Variants in BMS1 observed in about 807,000 individuals in gnomAD.
The protein encoded by BMS1 is BMS1 ribosome biogenesis factor.
Under a neutral mutation model 138.7 loss-of-function variants are expected in BMS1, and 53 were observed. The ratio of observed to expected loss-of-function variants is 0.38; its 90% CI spans 0.31 to 0.48. The LOEUF (loss-of-function observed/expected upper bound fraction) is 0.48. BMS1 is among the 20% of genes least tolerant of loss of function. BMS1 has a pLI of 0.97. For missense variants in BMS1, 1,360 were observed against 1,565.5 expected, an observed-to-expected ratio of 0.87 and a Z score of 2.22; for synonymous variants, 504 against 539.9, an observed-to-expected ratio of 0.93 and a Z score of 0.92.
intron 12 of BMS1, among the ~76,000 whole-genome samples, chr10:42,801,503 C>T (rs1182559940): frequency 1.3e-5 from 2 of 152,214 alleles, no homozygotes; most frequent in African/African-American, 2.4e-5. Flanking sequence ...TCTTCACCAG[C>T]ACTTGCTATT....
At chr10:42,811,526 CTT>C (rs60192795) in intron 13 of BMS1, among the ~76,000 whole-genome samples, 4 of 105,526 alleles carry the variant, frequency 3.8e-5, no homozygotes, top group Non-Finnish European at 5.6e-5. Context: ...TTTTCTTTTT[CTT>C]TTTTTTTTTT....
At position 42,793,950 on chromosome 10, in the gene BMS1, T is replaced by C. The variant is rs536780661; in HGVS notation, c.1188T>C (p.Ser396=). Residue 396 remains serine (S), a synonymous_variant, in exon 9 of 23, where the codon TCT becomes TCC. Coordinates refer to ENST00000374518, the MANE Select transcript of BMS1 (RefSeq NM_014753.4). ...KMASSRVTLF[S]DSKPLGSEDI... is the part of the protein sequence containing the mutation. Reference sequence around the variant, plus strand: ...CTTCAAGTCGAGTGACGCTGTTTTCTGATTCCAAGCCACTTGGGTCAGAGG... The same window carrying C: ...CTTCAAGTCGAGTGACGCTGTTTTCCGATTCCAAGCCACTTGGGTCAGAGG... The C allele has an allele frequency of 1.2e-6, 2 of 1,611,976 alleles. No individual in the cohort carries two copies. The highest frequency in any genetic ancestry group is 2.2e-5 in the South Asian group (2 of 90,994).
At chr10:42,795,320 G>T (rs983048350) in intron 9 of BMS1, among the ~76,000 whole-genome samples, 8 of 151,496 alleles carry the variant, frequency 5.3e-5, no homozygotes, top group Non-Finnish European at 1.0e-4. Flanking sequence ...GTTATTATTG[G>T]TGTATTCTTT....
Position 42,830,329 on chromosome 10 carries a change from A to G in BMS1, c.3525A>G (p.Pro1175=), listed in dbSNP as rs377616718. ...CAAAAGCCTTGCAGAAGGCCCTGCC[A>G]TTTAAGAACAAGCCCAAGACCCAAG... ...HIPKALQKAL[P]FKNKPKTQAK... is the part of the protein sequence containing the mutation. Residue 1175 remains proline, a synonymous_variant, in exon 22 of 23, where the codon CCA becomes CCG. Coordinates refer to ENST00000374518, the MANE Select transcript of BMS1 (RefSeq NM_014753.4). 1.2e-6 allele frequency: 2 copies of G among 1,614,094 alleles called. No homozygotes were observed. The highest frequency in any genetic ancestry group is 1.7e-6 in the Non-Finnish European group (2 of 1,180,026).
chr10:42,821,616 G>A (rs1389576222), intron 18 of BMS1, among the ~76,000 whole-genome samples: 8 of 125,114 alleles, frequency 6.4e-5, no homozygotes, highest in East Asian at 5.3e-4. Flanking sequence ...GCAGTGGCAC[G>A]ATCTTGGCTC....
intron 3 of BMS1, among the ~76,000 whole-genome samples, chr10:42,786,564 G>A (rs557990006): frequency 8.6e-5 from 13 of 151,110 alleles, no homozygotes; most frequent in Non-Finnish European, 1.3e-4. Flanking sequence ...ATGCCACCAC[G>A]CCTGGCTAAT....
At chr10:42,800,255 G>T (rs533451867) in intron 12 of BMS1, among the ~76,000 whole-genome samples, 1 of 152,226 alleles carries the variant, frequency 6.6e-6, no homozygotes, top group South Asian at 2.1e-4. Context: ...ATTTAAATTT[G>T]ATTTTTATTT....
In BMS1 at chr10:42,825,469, T is replaced by C. The variant is rs189066098; in HGVS notation, c.3456+1685T>C. On this transcript the variant is annotated intron_variant, in intron 21 of 22. Coordinates refer to ENST00000374518, the MANE Select transcript of BMS1 (RefSeq NM_014753.4). ...TCCATTTGTTCATGTCTAAATTTCT[T>C]TCATCAATGTTTTATGGTTTTCAAG... 6.3e-4 allele frequency among the ~76,000 whole-genome samples: 96 copies of C among 152,348 alleles called. No homozygotes were observed. The Middle Eastern group carries it at 0.027, about 43-fold the overall frequency.
chr10:42,799,864 ATCTT>A (rs1800034604), intron 12 of BMS1, among the ~76,000 whole-genome samples: 1 of 152,148 alleles, frequency 6.6e-6, no homozygotes, highest in Admixed American at 6.5e-5. Flanking sequence ...TTTTCAGTCT[ATCTT>A]TTAACATTTT....
chr10:42,818,568 A>T (rs1327191342), intron 15 of BMS1, among the ~76,000 whole-genome samples: 2 of 152,150 alleles, frequency 1.3e-5, no homozygotes, highest in African/African-American at 2.4e-5. Context: ...GGAAATGAGG[A>T]TGTCGACTGG....
In BMS1 at chr10:42,791,489, G is replaced by T. The variant is rs541974531; in HGVS notation, c.637-138G>T. On this transcript the variant is annotated intron_variant, in intron 5 of 22. Transcript: ENST00000374518. ...ATAAATCCTGAAAGAAGCCAGCAAG[G>T]CTCTGGAAGCCTCAGGACAGTGGCT... is the stretch of plus-strand genomic sequence containing the variant. The T allele has an allele frequency of 2.1e-5, 18 of 856,762 alleles. 1 individual carries two copies. In the Admixed American group the frequency reaches 5.5e-4, roughly 26 times the overall value. 53.1% of individuals were successfully genotyped at this position (856,762 alleles called of 1,614,324 possible).
At chr10:42,794,837 T>C (rs1414201507) in intron 9 of BMS1, among the ~76,000 whole-genome samples, 1 of 151,964 alleles carries the variant, frequency 6.6e-6, no homozygotes, top group Non-Finnish European at 1.5e-5. Flanking sequence ...TATGTATACA[T>C]GTGCCATGCT....
At chr10:42,805,256 C>T (rs1482299817) in intron 13 of BMS1, among the ~76,000 whole-genome samples, 1 of 151,978 alleles carries the variant, frequency 6.6e-6, no homozygotes, top group East Asian at 1.9e-4. Context: ...TTTTTTTCCC[C>T]GTTGAATTGC....
At chr10:42,798,217 G>A (rs1344379733) in intron 11 of BMS1, among the ~76,000 whole-genome samples, 4 of 151,992 alleles carry the variant, frequency 2.6e-5, no homozygotes, top group African/African-American at 4.8e-5. Flanking sequence ...CTCACTCCTC[G>A]GCCTCTTAGC....
At chr10:42,785,445 T>G (rs1443302760) in intron 2 of BMS1, 37 bp from the exon 3 acceptor site, 1 of 1,533,926 alleles carries the variant, frequency 6.5e-7, no homozygotes, top group Non-Finnish European at 8.8e-7. Flanking sequence ...GAAAATGAGT[T>G]TACTATTTAT....
chr10:42,796,535 G>A lies in BMS1; in HGVS notation c.1291G>A (p.Ala431Thr). 1.9e-6 allele frequency: 3 copies of A among 1,614,190 alleles called. No homozygotes were observed. Among genetic ancestry groups the A allele is most frequent in the Middle Eastern group, 1.6e-4 (1 of 6,062 alleles). Residue 431 changes from alanine (A) to threonine (T), a missense_variant, in exon 10 of 23, where the codon GCC becomes ACC. This residue lies in a region of BMS1 where 697 missense variants were observed against 686.2 expected (regional missense o/e 1.02). Coordinates refer to ENST00000374518, the MANE Select transcript of BMS1 (RefSeq NM_014753.4). ...DLNTGRMRRK[A>T]IFGDEDESGD... is the part of the protein sequence containing the mutation. ...GAACACTGGTCGAATGCGTCGGAAA[G>A]CCATTTTCGGAGATGAAGATGAATC... is the stretch of plus-strand genomic sequence containing the variant.
intron 7 of BMS1, 102 bp from the exon 8 acceptor site, chr10:42,792,855 G>C: frequency 2.2e-6 from 3 of 1,392,578 alleles, no homozygotes; most frequent in Non-Finnish European, 2.9e-6. Context: ...TAGTGTTATG[G>C]GTTAAGCCCT....
chr10:42,823,462 G>A (rs1842558374), intron 20 of BMS1, 147 bp from the exon 21 acceptor site: 1 of 1,084,108 alleles, frequency 9.2e-7, no homozygotes, highest in African/African-American at 1.6e-5. Flanking sequence ...TGTGATCTAT[G>A]AGAATAGTTT....
chr10:42,789,783 A>G (rs1841446717), intron 4 of BMS1, among the ~76,000 whole-genome samples: 1 of 152,056 alleles, frequency 6.6e-6, no homozygotes, highest in African/African-American at 2.4e-5. Context: ...AATGTATTTC[A>G]TTGATTATGA....
Sources: allele counts gnomAD v4.1 joint callset (sites outside exome capture counted in the v4.1 genomes callset), GRCh38; gene constraint gnomAD v4.1.1; regional missense constraint gnomAD v4.1.1; transcripts MANE v1.5; gene names NCBI Gene and HGNC (gene_info 2026-07-23, HGNC 2026-07-21).